CADM2: variants seen among roughly 807,000 people sequenced by gnomAD.
The protein encoded by CADM2 is immunoglobulin superfamily member 4D.
Under a neutral mutation model 49.8 loss-of-function variants are expected in CADM2, and 12 were observed. That is an observed-to-expected ratio of 0.24 (90% CI 0.15 to 0.39). The LOEUF (loss-of-function observed/expected upper bound fraction) is 0.39. CADM2 is among the 10% of genes least tolerant of loss of function. The probability of loss-of-function intolerance (pLI) is 1.00; values close to 1 mark genes in which losing one functional copy is unlikely to be tolerated. For synonymous variants in CADM2, 214 were observed against 175.4 expected, an observed-to-expected ratio of 1.22 and a Z score of -1.74; for missense variants, 378 against 492.3, an observed-to-expected ratio of 0.77 and a Z score of 2.20.
intron 8 of CADM2, among the ~76,000 whole-genome samples, chr3:85,985,306 G>A (rs1325010675): frequency 1.3e-5 from 2 of 151,806 alleles, no homozygotes; most frequent in Non-Finnish European, 2.9e-5. Flanking sequence ...TTTTATACAA[G>A]TACATATCAC....
At chr3:85,826,838 TA>T (rs1291977608) in intron 3 of CADM2, among the ~76,000 whole-genome samples, 2 of 152,016 alleles carry the variant, frequency 1.3e-5, no homozygotes, top group Admixed American at 1.3e-4. Flanking sequence ...CTGTTTAACC[TA>T]TTTGCAGAAT....
At chr3:85,916,068 A>G (rs1178508434) in intron 6 of CADM2, among the ~76,000 whole-genome samples, 1 of 152,188 alleles carries the variant, frequency 6.6e-6, no homozygotes, top group Non-Finnish European at 1.5e-5. Flanking sequence ...CTTGTGATAT[A>G]CAATTTATAT....
chr3:85,915,232 T>G (rs1718125261), intron 6 of CADM2, among the ~76,000 whole-genome samples: 1 of 152,144 alleles, frequency 6.6e-6, no homozygotes, highest in South Asian at 2.1e-4. Flanking sequence ...GGCAATTGAA[T>G]TATCTAATTT....
In CADM2 at chr3:86,048,422, A is replaced by C. The variant is rs143404340; in HGVS notation, c.971-17183A>C. Among the ~76,000 whole-genome samples, 669 of 152,140 alleles carry C rather than the reference A, an allele frequency of 4.4e-3. 2 individuals are homozygous for C. The highest frequency in any genetic ancestry group is 0.018 in the Middle Eastern group (5 of 284). On this transcript the variant is annotated intron_variant, in intron 8 of 9. Coordinates refer to ENST00000383699, the MANE Select transcript of CADM2 (RefSeq NM_001167675.2). Reference sequence around the variant, plus strand: ...ATAACTAATGAGAAATATTCAGGTAAATCACATACCTACTCTGAAATGACT... The same window carrying C: ...ATAACTAATGAGAAATATTCAGGTACATCACATACCTACTCTGAAATGACT...
intron 8 of CADM2, among the ~76,000 whole-genome samples, chr3:86,031,480 A>G (rs1046786319): frequency 6.6e-6 from 1 of 151,872 alleles, no homozygotes; most frequent in Non-Finnish European, 1.5e-5. Context: ...AGTTTCAACC[A>G]CATGTTTCAA....
At chr3:85,385,374 T>C (rs2034163110) in intron 1 of CADM2, among the ~76,000 whole-genome samples, 1 of 152,206 alleles carries the variant, frequency 6.6e-6, no homozygotes, top group Admixed American at 6.5e-5. Context: ...GGAAAATGTA[T>C]AGATTAACTG....
At chr3:85,934,423 T>G (rs1488934732) in intron 6 of CADM2, among the ~76,000 whole-genome samples, 1 of 152,130 alleles carries the variant, frequency 6.6e-6, no homozygotes, top group Non-Finnish European at 1.5e-5. Flanking sequence ...TTCAATTTTT[T>G]TCTTCTATCA....
chr3:85,541,752 A>C (rs1477302569), intron 1 of CADM2, among the ~76,000 whole-genome samples: 2 of 27,878 alleles, frequency 7.2e-5, no homozygotes, highest in Non-Finnish European at 2.3e-4. Context: ...TATTTTATAT[A>C]TTTTATATAT....
intron 1 of CADM2, among the ~76,000 whole-genome samples, chr3:85,720,384 C>G (rs2067456148): frequency 6.6e-6 from 1 of 152,130 alleles, no homozygotes; most frequent in Admixed American, 6.5e-5. Context: ...TAATCATTGC[C>G]TAAATATGAG....
intron 1 of CADM2, among the ~76,000 whole-genome samples, chr3:85,228,963 G>A (rs997550116): frequency 3.9e-5 from 6 of 152,146 alleles, no homozygotes; most frequent in South Asian, 2.1e-4. Flanking sequence ...GGGAGATGGG[G>A]GTTTTATCTA....
chr3:86,022,299 A>G (rs1733296666), intron 8 of CADM2, among the ~76,000 whole-genome samples: 1 of 152,132 alleles, frequency 6.6e-6, no homozygotes, highest in Non-Finnish European at 1.5e-5. Context: ...CAATAATAAC[A>G]TGATTTTAAA....
chr3:85,982,105 G>A (rs932077975), intron 8 of CADM2, among the ~76,000 whole-genome samples: 16 of 151,690 alleles, frequency 1.1e-4, no homozygotes, highest in African/African-American at 3.9e-4. Context: ...CTAATGATTA[G>A]TGATGTTGAG....
intron 1 of CADM2, among the ~76,000 whole-genome samples, chr3:85,356,121 C>G (rs551143360): frequency 2.6e-5 from 4 of 152,094 alleles, no homozygotes; most frequent in Non-Finnish European, 5.9e-5. Context: ...CCAACCCTCA[C>G]TAGCTGCCTA....
Position 85,067,663 on chromosome 3 carries a change from C to T in CADM2, c.61+107995C>T, listed in dbSNP as rs551984358. 3.3e-5 allele frequency among the ~76,000 whole-genome samples: 5 copies of T among 152,152 alleles called. No individual in the cohort carries two copies. In the South Asian group the frequency reaches 1.0e-3, roughly 32 times the overall value. ...CTTTGTTTTTCTTCCTGAAGCATGT[C>T]GATGGATTTCCATTTTTATTTACTA... On this transcript the variant is annotated intron_variant, in intron 1 of 9. Coordinates refer to ENST00000383699, the MANE Select transcript of CADM2 (RefSeq NM_001167675.2).
At chr3:85,175,007 ATAAG>A (rs759483068) in intron 1 of CADM2, among the ~76,000 whole-genome samples, 1 of 152,218 alleles carries the variant, frequency 6.6e-6, no homozygotes, top group Admixed American at 6.5e-5. Flanking sequence ...CAAATGGACA[ATAAG>A]TAAGTGAAAA....
intron 2 of CADM2, among the ~76,000 whole-genome samples, chr3:85,789,801 C>A (rs2071219059): frequency 6.6e-6 from 1 of 152,020 alleles, no homozygotes. Context: ...CGTATTTATT[C>A]TATTTGACTA....
At chr3:85,317,348 C>T (rs1477734319) in intron 1 of CADM2, among the ~76,000 whole-genome samples, 4 of 151,944 alleles carry the variant, frequency 2.6e-5, no homozygotes, top group African/African-American at 9.7e-5. Flanking sequence ...ATGCCATGAC[C>T]CTATTTGAGT....
intron 1 of CADM2, among the ~76,000 whole-genome samples, chr3:85,380,912 C>T (rs1171194095): frequency 2.6e-5 from 4 of 151,972 alleles, no homozygotes; most frequent in Admixed American, 1.3e-4. Context: ...ATAATAGCAA[C>T]ACAGTACATT....
At chr3:84,972,501 G>T (rs1326983303) in intron 1 of CADM2, among the ~76,000 whole-genome samples, 1 of 152,050 alleles carries the variant, frequency 6.6e-6, no homozygotes, top group East Asian at 1.9e-4. Flanking sequence ...GTAGCCATTG[G>T]CCTGAGTTTG....
Sources: gnomAD v4.1 joint callset for allele counts (sites outside exome capture counted in the v4.1 genomes callset) on GRCh38, gnomAD v4.1.1 for gene constraint, MANE v1.5 for transcripts, NCBI Gene and HGNC (gene_info 2026-07-23, HGNC 2026-07-21) for gene names.